LRRC37A: variants seen among roughly 807,000 people sequenced by gnomAD.
The protein encoded by LRRC37A is leucine rich repeat containing 37A.
Under a neutral mutation model 35.4 loss-of-function variants are expected in LRRC37A, and 3 were observed. The observed-to-expected ratio is 0.08, with a 90% CI of 0.04 to 0.22. The LOEUF (loss-of-function observed/expected upper bound fraction) is 0.22. Among genes scored for constraint, LRRC37A ranks in the 10% least tolerant of loss-of-function variants. LRRC37A has a pLI of 1.00. For missense variants in LRRC37A, 67 were observed against 565.3 expected, an observed-to-expected ratio of 0.12 and a Z score of 8.94; for synonymous variants, 23 against 215.0, an observed-to-expected ratio of 0.11 and a Z score of 7.81.
the LRRC37A span, among the ~76,000 whole-genome samples, chr17:46,276,584 A>T: frequency 1.3e-5 from 2 of 152,220 alleles, no homozygotes; most frequent in African/African-American, 4.8e-5. Flanking sequence ...AATGAAAACA[A>T]TGTGCAAACA....
At chr17:46,275,354 GT>G in the LRRC37A span, 2 of 982,882 alleles carry the variant, frequency 2.0e-6, no homozygotes, top group Non-Finnish European at 3.0e-6. Context: ...TTCTTGCTGT[GT>G]TTTATGTTAG....
the LRRC37A span, among the ~76,000 whole-genome samples, chr17:46,257,452 CAAAAAAAA>C: frequency 1.2e-5 from 1 of 83,322 alleles, no homozygotes; most frequent in Non-Finnish European, 2.2e-5. Context: ...GACTCTGTCT[CAAAAAAAA>C]AAAAAAAAAA....
At chr17:46,255,559 T>C in the LRRC37A span, among the ~76,000 whole-genome samples, 22 of 149,984 alleles carry the variant, frequency 1.5e-4, no homozygotes, top group East Asian at 4.1e-3. Flanking sequence ...AGAGATGGGG[T>C]TTCTCCATGT....
At chr17:46,327,229 G>A (rs1262024225) in intron 7 of LRRC37A, among the ~76,000 whole-genome samples, 110 of 74,370 alleles carry the variant, frequency 1.5e-3, no homozygotes, top group African/African-American at 4.1e-3. Flanking sequence ...ACCGCAGATG[G>A]CCTGTAATAC....
At chr17:46,259,363 CT>C in the LRRC37A span, among the ~76,000 whole-genome samples, 2 of 152,204 alleles carry the variant, frequency 1.3e-5, no homozygotes, top group Non-Finnish European at 2.9e-5. Flanking sequence ...CTCACCACAA[CT>C]TAAGCCAAAC....
the LRRC37A span, among the ~76,000 whole-genome samples, chr17:46,255,467 G>C: frequency 6.9e-6 from 1 of 145,670 alleles, no homozygotes; most frequent in African/African-American, 2.5e-5. Context: ...TCAGGTTCAA[G>C]TGATTCTCCT....
chr17:46,271,182 T>TTTC, the LRRC37A span, among the ~76,000 whole-genome samples: 18,304 of 149,664 alleles, frequency 0.12, 3 homozygotes, highest in Non-Finnish European at 0.18. Context: ...TTTTTTTTTT[T>TTTC]GAGAAGGAGT....
At chr17:46,284,875 C>T in the LRRC37A span, among the ~76,000 whole-genome samples, 2 of 152,106 alleles carry the variant, frequency 1.3e-5, no homozygotes, top group East Asian at 3.8e-4. Flanking sequence ...CTTTTATTTC[C>T]CCCCATTGTT....
At chr17:46,321,357 G>GGA (rs1555618740) in intron 5 of LRRC37A, among the ~76,000 whole-genome samples, 3 of 31,366 alleles carry the variant, frequency 9.6e-5, no homozygotes, top group African/African-American at 3.1e-4. Flanking sequence ...CTCCGTCTCA[G>GGA]AAAAAAAAAA....
rs778412898 is a variant in LRRC37A, at chr17:46,330,881, G to T, written c.3604G>T (p.Glu1202Ter). The change falls in exon 9 of 14, where the codon GAA becomes TAA. Residue 1202 changes from glutamate (E) to a stop codon, truncating the protein, a stop_gained. Transcript: ENST00000320254. LOFTEE classifies it high-confidence loss of function. ...CCAGGCATCTGTGGAGAACGCTGCC[G>T]AAGAAAAAAGGCTCACGAGTCCAGC... 1.4e-6 allele frequency: 1 copy of T among 723,664 alleles called. No homozygotes were observed. The highest frequency in any genetic ancestry group is 2.8e-5 in the South Asian group (1 of 36,016). The allele number at this position is 723,664 out of a possible 1,614,324, so 44.8% of individuals were successfully genotyped here. A position where few individuals can be genotyped will look rare whatever the true frequency, so the allele number is the denominator to read the frequency against.
chr17:46,323,059 CTTAG>C (rs2051481266), intron 7 of LRRC37A, 32 bp downstream of exon 7: 1 of 250,596 alleles, frequency 4.0e-6, no homozygotes, highest in Non-Finnish European at 7.6e-6. Context: ...TTTATTTTTA[CTTAG>C]TTGGTTCTTT....
chr17:46,278,408 TTTTGTTG>T, the LRRC37A span, among the ~76,000 whole-genome samples: 17,794 of 143,916 alleles, frequency 0.12, 3 homozygotes, highest in Middle Eastern at 0.19. Context: ...TTTGTTTTTT[TTTTGTTG>T]TTGTTTTAAG....
At chr17:46,289,035 C>T (rs576293807), upstream of LRRC37A, among the ~76,000 whole-genome samples, 1,481 of 152,132 alleles carry the variant, frequency 9.7e-3, 33 homozygotes, top group African/African-American at 0.034. Flanking sequence ...TTTTGCCATA[C>T]TTTTTAAGTG....
the LRRC37A span, among the ~76,000 whole-genome samples, chr17:46,262,815 AAAAG>A: frequency 6.6e-6 from 1 of 152,126 alleles, no homozygotes; most frequent in African/African-American, 2.4e-5. Context: ...AAGAAAAGAA[AAAAG>A]AAAGGAAGGA....
the LRRC37A span, among the ~76,000 whole-genome samples, chr17:46,254,698 C>T: frequency 6.7e-6 from 1 of 150,232 alleles, no homozygotes; most frequent in East Asian, 1.9e-4. Context: ...TGTGCCACCG[C>T]GCCTGGCAAT....
the LRRC37A span, among the ~76,000 whole-genome samples, chr17:46,287,458 C>G: frequency 2.0e-5 from 3 of 152,232 alleles, no homozygotes; most frequent in Non-Finnish European, 4.4e-5. Flanking sequence ...AGAAGTTACA[C>G]TACAAGGACC....
chr17:46,269,088 A>T, the LRRC37A span, among the ~76,000 whole-genome samples: 1 of 145,852 alleles, frequency 6.9e-6, no homozygotes. Context: ...CTGATTTTAT[A>T]TTCAAACCTG....
the LRRC37A span, among the ~76,000 whole-genome samples, chr17:46,268,898 A>G: frequency 6.6e-6 from 1 of 152,238 alleles, no homozygotes; most frequent in African/African-American, 2.4e-5. Context: ...GCTCAGTGTC[A>G]AGGTGATTCA....
intron 7 of LRRC37A, among the ~76,000 whole-genome samples, chr17:46,323,481 C>A (rs1355438456): frequency 3.1e-5 from 3 of 97,168 alleles, no homozygotes; most frequent in Non-Finnish European, 7.2e-5. Flanking sequence ...ACTGCAACCT[C>A]CACCTCCCAG....
Sources: gnomAD v4.1 joint callset for allele counts (sites outside exome capture counted in the v4.1 genomes callset) on GRCh38, gnomAD v4.1.1 for gene constraint, MANE v1.5 for transcripts, NCBI Gene and HGNC (gene_info 2026-07-23, HGNC 2026-07-21) for gene names.